The following GRIK2 variants were observed in gnomAD, a reference collection of about 807,000 sequenced individuals.
GRIK2 encodes glutamate receptor ionotropic, kainate 2.
In GRIK2, 32 loss-of-function variants were observed where a neutral mutation model predicts 100.3. That is an observed-to-expected ratio of 0.32 (90% confidence interval 0.24 to 0.43). The LOEUF (loss-of-function observed/expected upper bound fraction) is 0.43, where lower values mean the gene tolerates loss of function less well. Ranked by LOEUF, GRIK2 falls within the 20% of genes least tolerant of loss-of-function variation. GRIK2 has a pLI of 1.00. For missense variants in GRIK2, 843 were observed against 1,114.9 expected (o/e 0.76, Z 3.47); for synonymous variants, 417 against 389.4 (o/e 1.07, Z -0.83).
At chr6:101,532,273 T>G (rs977424672) in intron 2 of GRIK2, among the ~76,000 whole-genome samples, 1 of 151,970 alleles carries the variant, frequency 6.6e-6, no homozygotes, top group Non-Finnish European at 1.5e-5. Context: ...CCATTCATCT[T>G]TAGAACAAGC....
intron 2 of GRIK2, among the ~76,000 whole-genome samples, chr6:101,524,477 T>C (rs937690929): frequency 5.9e-5 from 9 of 152,060 alleles, no homozygotes; most frequent in African/African-American, 2.2e-4. Context: ...TTATTCACTA[T>C]AGGTGTGTCT....
At chr6:102,017,097 G>T (rs1169556507) in intron 14 of GRIK2, among the ~76,000 whole-genome samples, 1 of 152,094 alleles carries the variant, frequency 6.6e-6, no homozygotes, top group African/African-American at 2.4e-5. Flanking sequence ...ATTACCTCTA[G>T]ACCTGCCTTA....
chr6:101,823,671 AAT>A (rs958943425), intron 10 of GRIK2, among the ~76,000 whole-genome samples: 5 of 152,160 alleles, frequency 3.3e-5, no homozygotes, highest in African/African-American at 1.2e-4. Context: ...ACAAAAATAC[AAT>A]TTTTGAGCAA....
At chr6:101,773,438 C>T (rs1480409863) in intron 7 of GRIK2, among the ~76,000 whole-genome samples, 1 of 145,350 alleles carries the variant, frequency 6.9e-6, no homozygotes, top group African/African-American at 2.6e-5. Context: ...CGAGATCGTG[C>T]CATTGCACTC....
intron 10 of GRIK2, among the ~76,000 whole-genome samples, chr6:101,831,634 TGTTATTATTATTTATA>T (rs1016757664): frequency 6.6e-6 from 1 of 152,140 alleles, no homozygotes; most frequent in African/African-American, 2.4e-5. Context: ...ATCAATCAAC[TGTTATTATTATTTATA>T]GTTACCTATT....
intron 2 of GRIK2, among the ~76,000 whole-genome samples, chr6:101,423,366 C>T (rs949816161): frequency 6.6e-6 from 1 of 152,156 alleles, no homozygotes; most frequent in Non-Finnish European, 1.5e-5. Context: ...TTTGGATAGA[C>T]TTCCCTCGTG....
At chr6:101,576,249 A>T (rs1330994543) in intron 2 of GRIK2, among the ~76,000 whole-genome samples, 2 of 152,004 alleles carry the variant, frequency 1.3e-5, no homozygotes, top group African/African-American at 4.8e-5. Context: ...GGCAGTGGGT[A>T]CAAGGAAGTC....
chr6:101,692,149 C>G (rs777489666), intron 7 of GRIK2, among the ~76,000 whole-genome samples: 17 of 151,444 alleles, frequency 1.1e-4, no homozygotes, highest in Non-Finnish European at 2.5e-4. Context: ...CAACTGCAAG[C>G]CCACCTTTGC....
At chr6:101,802,983 A>T (rs1449266466) in intron 9 of GRIK2, among the ~76,000 whole-genome samples, 2 of 151,820 alleles carry the variant, frequency 1.3e-5, no homozygotes, top group Non-Finnish European at 2.9e-5. Context: ...CACCCAAAGA[A>T]TGTGGGTATG....
At chr6:102,056,597 T>C (rs1290010735) in intron 16 of GRIK2, among the ~76,000 whole-genome samples, 1 of 152,008 alleles carries the variant, frequency 6.6e-6, no homozygotes. Context: ...GAACTTTAGT[T>C]GGTAAATACA....
chr6:101,777,629 G>A (rs1009401192), intron 7 of GRIK2, among the ~76,000 whole-genome samples: 1 of 152,060 alleles, frequency 6.6e-6, no homozygotes, highest in African/African-American at 2.4e-5. Context: ...AAAAGGTCAA[G>A]TCAGTGAAAG....
intron 10 of GRIK2, among the ~76,000 whole-genome samples, chr6:101,858,288 G>C (rs770941418): frequency 1.1e-4 from 16 of 151,798 alleles, no homozygotes; most frequent in Non-Finnish European, 2.1e-4. Context: ...ATAGAGGAGG[G>C]CTGGCTCACA....
intron 7 of GRIK2, among the ~76,000 whole-genome samples, chr6:101,791,497 T>C (rs1259746607): frequency 6.6e-6 from 1 of 152,218 alleles, no homozygotes; most frequent in African/African-American, 2.4e-5. Flanking sequence ...GGTTGTTCAG[T>C]TTCCATGTAG....
At chr6:101,636,183 G>T (rs545173579) in intron 4 of GRIK2, among the ~76,000 whole-genome samples, 1 of 152,236 alleles carries the variant, frequency 6.6e-6, no homozygotes, top group East Asian at 1.9e-4. Flanking sequence ...AAAAAAGGAT[G>T]AGTTCATGTC....
rs1465712843 is a variant in GRIK2 at position 101,548,859 on chromosome 6, A to G, written c.116-73090A>G. Reference sequence around the variant, plus strand: ...TCCTCAGTTATAGGTATGGATATGTAGAAGTATATTCTCTCCTCATGCTTT... The same window carrying G: ...TCCTCAGTTATAGGTATGGATATGTGGAAGTATATTCTCTCCTCATGCTTT... On this transcript the variant is annotated intron_variant, in intron 2 of 16. Coordinates refer to ENST00000369134, the MANE Select transcript of GRIK2 (RefSeq NM_021956.5). Among the ~76,000 whole-genome samples the G allele has an allele frequency of 2.0e-5, 3 of 152,196 alleles. No individual in the cohort carries two copies. In the East Asian group the frequency reaches 5.8e-4, roughly 29 times the overall value.
At chr6:101,814,551 T>C (rs1477095689) in intron 9 of GRIK2, among the ~76,000 whole-genome samples, 6 of 152,102 alleles carry the variant, frequency 3.9e-5, no homozygotes, top group Non-Finnish European at 7.4e-5. Flanking sequence ...AGCTAAATTG[T>C]TATACAGTTG....
intron 10 of GRIK2, among the ~76,000 whole-genome samples, chr6:101,830,087 C>T (rs1326029667): frequency 6.6e-6 from 1 of 151,876 alleles, no homozygotes; most frequent in Non-Finnish European, 1.5e-5. Context: ...ACACATAAAC[C>T]AATGTAACAG....
chr6:101,727,829 G>C (rs898628376), intron 7 of GRIK2, among the ~76,000 whole-genome samples: 1 of 151,956 alleles, frequency 6.6e-6, no homozygotes, highest in Non-Finnish European at 1.5e-5. Context: ...CAATGACATA[G>C]CCTATATATA....
intron 10 of GRIK2, among the ~76,000 whole-genome samples, chr6:101,821,655 A>G (rs1007005816): frequency 4.6e-5 from 7 of 151,264 alleles, no homozygotes; most frequent in African/African-American, 1.7e-4. Context: ...CCTTTTAGTT[A>G]AAAAAAAATT....
Sources: gnomAD v4.1 joint callset for allele counts (sites outside exome capture counted in the v4.1 genomes callset) on GRCh38, gnomAD v4.1.1 for gene constraint, MANE v1.5 for transcripts, NCBI Gene and HGNC (gene_info 2026-07-23, HGNC 2026-07-21) for gene names.